SMNDC1: variants seen among roughly 807,000 people sequenced by gnomAD.
The protein encoded by SMNDC1 is survival motor neuron domain containing 1.
Under a neutral mutation model 29.2 loss-of-function variants are expected in SMNDC1, and 5 were observed. That is an observed-to-expected ratio of 0.17 (90% CI 0.09 to 0.36). The LOEUF is 0.36. Ranked by LOEUF, SMNDC1 falls within the 10% of genes least tolerant of loss-of-function variation. The pLI, the probability that SMNDC1 is intolerant of heterozygous loss-of-function variation, is 1.00. For missense variants in SMNDC1, 142 were observed against 268.5 expected (o/e 0.53, Z 3.29); for synonymous variants, 80 against 89.9 (o/e 0.89, Z 0.62).
At position 110,290,909 on chromosome 10, in the gene SMNDC1, T is replaced by C. The variant is rs1186522237; in HGVS notation, c.*3241A>G. 2 of 152,296 alleles carry C rather than the reference T, an allele frequency of 1.3e-5. No homozygotes were observed. Among genetic ancestry groups the C allele is most frequent in the East Asian group, 1.9e-4 (1 of 5,190 alleles). The allele number at this position is 152,296 out of a possible 1,614,324, so 9.4% of individuals were successfully genotyped here. ...TATAAAATTACAATCTACAGACACA[T>C]GAGTCACACAACTACAGTTTTCCTT... is the stretch of plus-strand genomic sequence containing the variant. On this transcript the variant is annotated 3_prime_UTR_variant, in exon 6 of 6. Coordinates refer to ENST00000369603, the MANE Select transcript of SMNDC1 (RefSeq NM_005871.4).
chr10:110,302,023 T>C (rs1819754878), intron 2 of SMNDC1, among the ~76,000 whole-genome samples: 1 of 152,140 alleles, frequency 6.6e-6, no homozygotes, highest in Admixed American at 6.5e-5. Context: ...CAAGAAGCAA[T>C]ATACAAAACA....
chr10:110,294,376 G>T, intron 5 of SMNDC1, 89 bp from the exon 6 acceptor site: 4 of 1,099,540 alleles, frequency 3.6e-6, no homozygotes, highest in Non-Finnish European at 3.8e-6. Flanking sequence ...ATATATTCTG[G>T]TTTCAACGTT....
At chr10:110,302,128 A>C (rs567765209) in intron 2 of SMNDC1, among the ~76,000 whole-genome samples, 2 of 152,240 alleles carry the variant, frequency 1.3e-5, no homozygotes, top group Non-Finnish European at 2.9e-5. Context: ...AAAGCACTTT[A>C]CAGAGTGTAA....
chr10:110,299,118 AAAGTC>A (rs1041592028), intron 2 of SMNDC1, among the ~76,000 whole-genome samples: 7 of 152,324 alleles, frequency 4.6e-5, no homozygotes, highest in South Asian at 2.1e-4. Flanking sequence ...TAAAGATGAG[AAAGTC>A]AAGTATGAGG....
intron 2 of SMNDC1, among the ~76,000 whole-genome samples, chr10:110,301,100 A>G (rs1447963305): frequency 6.6e-6 from 1 of 152,276 alleles, no homozygotes; most frequent in Non-Finnish European, 1.5e-5. Flanking sequence ...TCTATAGAGG[A>G]ACACAAGAAA....
At position 110,293,365 on chromosome 10, in the gene SMNDC1, C is replaced by CA. The variant is rs1857521401; in HGVS notation, c.*784dup. On this transcript the variant is annotated 3_prime_UTR_variant, in exon 6 of 6. Transcript: ENST00000369603. ...TCATTAATTTAGCCTTGTGTTTTTA[C>CA]AAAAATAGTATCTACACTGTATACA... is the stretch of plus-strand genomic sequence containing the variant. 1.3e-5 allele frequency: 2 copies of CA among 152,546 alleles called. No individual in the cohort carries two copies. Among genetic ancestry groups the CA allele is most frequent in the Admixed American group, 6.5e-5 (1 of 15,276 alleles). 9.4% of individuals were successfully genotyped at this position (152,546 alleles called of 1,614,324 possible). A position where few individuals can be genotyped will look rare whatever the true frequency, so the allele number is the denominator to read the frequency against.
chr10:110,300,485 C>T (rs1281992874), intron 2 of SMNDC1: 4 of 814,646 alleles, frequency 4.9e-6, no homozygotes, highest in African/African-American at 1.9e-5. Flanking sequence ...TTCACATGTG[C>T]GTATGGACCA....
In SMNDC1 at chr10:110,297,691, T is replaced by C. The variant is rs1404581540; in HGVS notation, c.301A>G (p.Asn101Asp). 6.2e-7 allele frequency: 1 copy of C among 1,614,010 alleles called. No individual in the cohort carries two copies. The highest frequency in any genetic ancestry group is 1.1e-5 in the South Asian group (1 of 91,074). ...GCAAAGGTGATTGCAGCGGTGCCATTTTCTTCATCTATCTCCTCAATCTCC... is the reference window on the plus strand; with the variant it reads ...GCAAAGGTGATTGCAGCGGTGCCATCTTCTTCATCTATCTCCTCAATCTCC... The part of the protein sequence containing the change: ...EAEIEEIDEE[N>D]GTAAITFAGY... The change falls in exon 4 of 6, where the codon AAT becomes GAT. Residue 101 changes from asparagine to aspartate, a missense_variant. Physicochemically the swap from Asn to Asp is conservative, Grantham distance 23 (BLOSUM62 1). Around this residue, in one of 4 missense-constraint regions of SMNDC1, gnomAD observed 65 missense variants for 75.9 expected, o/e 0.86. Coordinates refer to ENST00000369603, the MANE Select transcript of SMNDC1 (RefSeq NM_005871.4).
chr10:110,300,708 G>A (rs1857632607), intron 2 of SMNDC1: 1 of 985,416 alleles, frequency 1.0e-6, no homozygotes, highest in Non-Finnish European at 1.2e-6. Context: ...GCTTACTGAA[G>A]GAAGGCGTTT....
intron 5 of SMNDC1, 61 bp from the exon 6 acceptor site, chr10:110,294,348 A>AT (rs1857537566): frequency 7.5e-7 from 1 of 1,329,788 alleles, no homozygotes; most frequent in Non-Finnish European, 1.0e-6. Flanking sequence ...AAAATTTCAA[A>AT]TTTTAAGTAA....
At chr10:110,296,098 C>A (rs1253051931) in intron 4 of SMNDC1, among the ~76,000 whole-genome samples, 1 of 152,118 alleles carries the variant, frequency 6.6e-6, no homozygotes, top group Non-Finnish European at 1.5e-5. Context: ...TGAAGAGATT[C>A]GATGCAGATA....
intron 2 of SMNDC1, among the ~76,000 whole-genome samples, chr10:110,301,318 C>G (rs1168295763): frequency 1.3e-5 from 2 of 152,220 alleles, no homozygotes; most frequent in African/African-American, 4.8e-5. Flanking sequence ...ATGGAGACAA[C>G]AATTACTGAG....
intron 2 of SMNDC1, among the ~76,000 whole-genome samples, chr10:110,299,126 G>A (rs1264872001): frequency 1.3e-5 from 2 of 152,188 alleles, no homozygotes; most frequent in East Asian, 1.9e-4. Context: ...AGAAAGTCAA[G>A]TATGAGGCAC....
At chr10:110,297,004 T>C (rs575961780) in intron 4 of SMNDC1, among the ~76,000 whole-genome samples, 1 of 152,360 alleles carries the variant, frequency 6.6e-6, no homozygotes, top group South Asian at 2.1e-4. Flanking sequence ...TCCAAGGTCA[T>C]AATGCTCATT....
chr10:110,293,963 AT>A lies in SMNDC1; in HGVS notation c.*186del. The stretch of plus-strand genomic sequence containing the variant: ...CTTTGAGGGAACCGTGGTACTGATA[AT>A]GAGAAAAGTTAAATGAATAGCAGTT... On this transcript the variant is annotated 3_prime_UTR_variant, in exon 6 of 6. Transcript: ENST00000369603. 2.1e-6 allele frequency: 1 copy of A among 466,088 alleles called. No homozygotes were observed. Among genetic ancestry groups the A allele is most frequent in the East Asian group, 3.7e-5 (1 of 26,720 alleles). 28.9% of individuals were successfully genotyped at this position (466,088 alleles called of 1,614,324 possible). A position where few individuals can be genotyped will look rare whatever the true frequency, so the allele number is the denominator to read the frequency against.
In SMNDC1 at chr10:110,298,804, A is replaced by C; in HGVS notation, c.121-14T>G. On this transcript the variant is annotated splice_polypyrimidine_tract_variant and intron_variant, in intron 2 of 5. Transcript: ENST00000369603. ...TTCTATAACTTCCTAAAAAAGAAAA[A>C]CAAAAACTACAACATTATTTTTATA... The C allele has an allele frequency of 2.5e-6, 4 of 1,580,616 alleles. No individual in the cohort carries two copies. Among genetic ancestry groups the C allele is most frequent in the Non-Finnish European group, 3.5e-6 (4 of 1,157,198 alleles).
At position 110,292,563 on chromosome 10, in the gene SMNDC1, G is replaced by A. The variant is rs1307656976; in HGVS notation, c.*1587C>T. The stretch of plus-strand genomic sequence containing the variant: ...TTGATTATTGATAAGCTCTTAAGAT[G>A]TTACAATAACAAAGTATATTTTATT... On this transcript the variant is annotated 3_prime_UTR_variant, in exon 6 of 6. Coordinates refer to ENST00000369603, the MANE Select transcript of SMNDC1 (RefSeq NM_005871.4). 6.6e-6 allele frequency: 1 copy of A among 152,118 alleles called. No homozygotes were observed. The highest frequency in any genetic ancestry group is 1.9e-4 in the East Asian group (1 of 5,190). The allele number at this position is 152,118 out of a possible 1,614,324, so 9.4% of individuals were successfully genotyped here. A position where few individuals can be genotyped will look rare whatever the true frequency, so the allele number is the denominator to read the frequency against.
At chr10:110,296,092 G>A (rs537863695) in intron 4 of SMNDC1, among the ~76,000 whole-genome samples, 1 of 152,282 alleles carries the variant, frequency 6.6e-6, no homozygotes, top group East Asian at 1.9e-4. Context: ...AATGTATGAA[G>A]AGATTCGATG....
At position 110,294,162 on chromosome 10, in the gene SMNDC1, C is replaced by T; in HGVS notation, c.705G>A (p.Leu235=). 1 of 1,586,238 alleles carries T rather than the reference C, an allele frequency of 6.3e-7. No homozygotes were observed. Among genetic ancestry groups the T allele is most frequent in the South Asian group, 1.2e-5 (1 of 86,788 alleles). The change falls in exon 6 of 6, where the codon TTG becomes TTA. Residue 235 remains leucine, a synonymous_variant. Coordinates refer to ENST00000369603, the MANE Select transcript of SMNDC1 (RefSeq NM_005871.4). ...ACAGTTTTTCTGATTATTGAGGCAT[C>T]AAATGCCTGACATTGTATTTAGAGG... ...QDTSKYNVRH[L]MPQ
Sources: gnomAD v4.1 joint callset for allele counts (sites outside exome capture counted in the v4.1 genomes callset) on GRCh38, gnomAD v4.1.1 for gene constraint, gnomAD v4.1.1 regional missense constraint, MANE v1.5 for transcripts, NCBI Gene and HGNC (gene_info 2026-07-23, HGNC 2026-07-21) for gene names.